The following THAP4 variants were observed in gnomAD, a reference collection of about 807,000 sequenced individuals.
THAP4 encodes peroxynitrite isomerase THAP4.
In THAP4, 18 loss-of-function variants were observed where a neutral mutation model predicts 48.1. The observed-to-expected ratio is 0.37, with a 90% CI of 0.26 to 0.56. The LOEUF (loss-of-function observed/expected upper bound fraction) is 0.56. Ranked by LOEUF, THAP4 falls within the 20% of genes least tolerant of loss-of-function variation. The pLI, the probability that THAP4 is intolerant of heterozygous loss-of-function variation, is 0.78. For synonymous variants in THAP4, 345 were observed against 324.9 expected (o/e 1.06, Z -0.66); for missense variants, 656 against 774.9 (o/e 0.85, Z 1.82).
chr2:241,602,303 C>A, intron 4 of THAP4: 1 of 392,708 alleles, frequency 2.5e-6, no homozygotes, highest in Non-Finnish European at 4.6e-6. Flanking sequence ...TGGCAGAAGT[C>A]GCAGGTGGGA....
At chr2:241,598,932 A>T (rs984408938) in intron 5 of THAP4, among the ~76,000 whole-genome samples, 1 of 152,102 alleles carries the variant, frequency 6.6e-6, no homozygotes, top group Non-Finnish European at 1.5e-5. Context: ...TGGAAAAAAA[A>T]AAAAGTAGAA....
chr2:241,619,191 G>A (rs1264931632), intron 2 of THAP4, among the ~76,000 whole-genome samples: 2 of 152,210 alleles, frequency 1.3e-5, no homozygotes, highest in East Asian at 1.9e-4. Flanking sequence ...AGGCATGCTC[G>A]GAGAAACTCC....
At chr2:241,635,009 T>C (rs2067617911) in intron 1 of THAP4, among the ~76,000 whole-genome samples, 2 of 152,242 alleles carry the variant, frequency 1.3e-5, no homozygotes, top group Admixed American at 6.5e-5. Context: ...GGGGTATTAA[T>C]GTTTAATGAG....
At chr2:241,602,600 A>C (rs1417582282) in intron 4 of THAP4, among the ~76,000 whole-genome samples, 3 of 152,194 alleles carry the variant, frequency 2.0e-5, no homozygotes, top group Non-Finnish European at 4.4e-5. Flanking sequence ...TCCTGACCTC[A>C]AGTGATCTGC....
At chr2:241,593,936 C>A (rs1465601001) in intron 5 of THAP4, among the ~76,000 whole-genome samples, 1 of 152,172 alleles carries the variant, frequency 6.6e-6, no homozygotes, top group Non-Finnish European at 1.5e-5. Flanking sequence ...TCTCCTGCCT[C>A]AGCCCCACAA....
intron 2 of THAP4, among the ~76,000 whole-genome samples, chr2:241,625,211 A>G (rs1036173870): frequency 2.0e-5 from 3 of 152,116 alleles, no homozygotes; most frequent in African/African-American, 7.2e-5. Flanking sequence ...GTGGTGGCTC[A>G]CACCTGTAGT....
chr2:241,590,307 G>T (rs71430349), intron 5 of THAP4, among the ~76,000 whole-genome samples: 629 of 34,826 alleles, frequency 0.018, no homozygotes, highest in South Asian at 0.065. Context: ...CTGATGATGA[G>T]GGGCACTAGG....
intron 2 of THAP4, among the ~76,000 whole-genome samples, chr2:241,626,937 A>G (rs2067501627): frequency 6.6e-6 from 1 of 152,180 alleles, no homozygotes; most frequent in Non-Finnish European, 1.5e-5. Flanking sequence ...AGTGTAATAA[A>G]TCCACACACA....
At chr2:241,590,910 C>G (rs1425253617) in intron 5 of THAP4, among the ~76,000 whole-genome samples, 13 of 141,784 alleles carry the variant, frequency 9.2e-5, no homozygotes, top group Admixed American at 2.8e-4. Flanking sequence ...ACACACAGAA[C>G]TGCCCGGCTG....
intron 3 of THAP4, among the ~76,000 whole-genome samples, chr2:241,605,570 G>A (rs1212557983): frequency 6.6e-6 from 1 of 152,206 alleles, no homozygotes; most frequent in African/African-American, 2.4e-5. Context: ...AAGGGATACT[G>A]AGGGACCTCA....
intron 2 of THAP4, chr2:241,617,549 G>C: frequency 3.2e-6 from 4 of 1,236,312 alleles, no homozygotes; most frequent in Non-Finnish European, 4.5e-6. Flanking sequence ...GGTGCATTCT[G>C]GGAATTGTAG....
chr2:241,623,817 T>C (rs1017737530), intron 2 of THAP4, among the ~76,000 whole-genome samples: 1 of 152,296 alleles, frequency 6.6e-6, no homozygotes, highest in South Asian at 2.1e-4. Flanking sequence ...TGAACAGGCC[T>C]ATATTGAATA....
At chr2:241,636,540 G>C (rs1163705654) in intron 1 of THAP4, among the ~76,000 whole-genome samples, 2 of 152,250 alleles carry the variant, frequency 1.3e-5, no homozygotes, top group Non-Finnish European at 2.9e-5. Flanking sequence ...GGGGCTGTCA[G>C]CTACGGAGGC....
chr2:241,607,267 G>T (rs1057078864), intron 2 of THAP4, among the ~76,000 whole-genome samples: 1 of 152,060 alleles, frequency 6.6e-6, no homozygotes, highest in Non-Finnish European at 1.5e-5. Context: ...TCTGCTGGGC[G>T]AACTCAAAGG....
intron 2 of THAP4, among the ~76,000 whole-genome samples, chr2:241,619,879 G>A (rs2067397893): frequency 3.4e-5 from 3 of 89,090 alleles, no homozygotes; most frequent in Non-Finnish European, 4.7e-5. Context: ...GTGAGTGAGG[G>A]GTGAGTGAGG....
rs2067114057 is a variant in THAP4, at chr2:241,601,640, C to T, written c.1614+256G>A. On this transcript the variant is annotated intron_variant, in intron 5 of 5. Transcript: ENST00000407315. This position sits in a 1 kb window ranked among gnomAD's most constrained non-coding sequence, Gnocchi z 4.0. Reference sequence around the variant, plus strand: ...TGGATATATCTGTAAACGTGGACAACCCAAATGCAAAAGGATGTTTGTGAC... The same window carrying T: ...TGGATATATCTGTAAACGTGGACAATCCAAATGCAAAAGGATGTTTGTGAC... Among the ~76,000 whole-genome samples, 1 of 151,966 alleles carries T rather than the reference C, an allele frequency of 6.6e-6. No individual in the cohort carries two copies. Among genetic ancestry groups the T allele is most frequent in the Admixed American group, 6.6e-5 (1 of 15,254 alleles).
At chr2:241,632,440 T>C (rs550089189) in intron 2 of THAP4, among the ~76,000 whole-genome samples, 1 of 152,280 alleles carries the variant, frequency 6.6e-6, no homozygotes, top group East Asian at 1.9e-4. Flanking sequence ...AAATAATTAT[T>C]AATGTTCATG....
At chr2:241,628,592 C>T (rs140005945) in intron 2 of THAP4, among the ~76,000 whole-genome samples, 1 of 151,862 alleles carries the variant, frequency 6.6e-6, no homozygotes, top group African/African-American at 2.4e-5. Flanking sequence ...TCCCTAAAGT[C>T]TGAGCCATCG....
At chr2:241,622,702 C>T (rs899684892) in intron 2 of THAP4, among the ~76,000 whole-genome samples, 8 of 152,068 alleles carry the variant, frequency 5.3e-5, no homozygotes, top group East Asian at 3.9e-4. Flanking sequence ...GGGGCTCAAG[C>T]GATCCTCCTA....
Sources: allele counts gnomAD v4.1 joint callset (sites outside exome capture counted in the v4.1 genomes callset), GRCh38; gene constraint gnomAD v4.1.1; non-coding constraint Gnocchi (gnomAD v3.1); transcripts MANE v1.5; gene names NCBI Gene and HGNC (gene_info 2026-07-23, HGNC 2026-07-21).